CYP7B1: variants seen among roughly 807,000 people sequenced by gnomAD.
CYP7B1 encodes cytochrome P450 family 7 subfamily B member 1, also known as cytochrome P450 7B1.
CYP7B1 carries 29 observed loss-of-function variants against 42.7 expected under a neutral mutation model. The ratio of observed to expected loss-of-function variants is 0.68; its 90% CI spans 0.51 to 0.93. CYP7B1 has a LOEUF of 0.93. CYP7B1 is among the 40% of genes least tolerant of loss of function. The probability of loss-of-function intolerance (pLI) is 0.00; values close to 1 mark genes in which losing one functional copy is unlikely to be tolerated. For synonymous variants in CYP7B1, 235 were observed against 218.2 expected, an observed-to-expected ratio of 1.08 and a Z score of -0.68; for missense variants, 655 against 600.5, an observed-to-expected ratio of 1.09 and a Z score of -0.95.
intron 1 of CYP7B1, among the ~76,000 whole-genome samples, chr8:64,755,450 G>C (rs546512226): frequency 6.6e-6 from 1 of 151,840 alleles, no homozygotes; most frequent in Non-Finnish European, 1.5e-5. Context: ...ATGGAATCTT[G>C]CCCTGATCCC....
At chr8:64,687,145 A>C (rs934534761) in intron 1 of CYP7B1, among the ~76,000 whole-genome samples, 1 of 152,144 alleles carries the variant, frequency 6.6e-6, no homozygotes, top group African/African-American at 2.4e-5. Context: ...AATTTAAAAA[A>C]AAAACATTAG....
chr8:64,662,503 CAG>C (rs926805485), intron 1 of CYP7B1, among the ~76,000 whole-genome samples: 4 of 152,072 alleles, frequency 2.6e-5, no homozygotes, highest in Non-Finnish European at 4.4e-5. Flanking sequence ...AATTAAAGCT[CAG>C]AGAGTTTAAG....
chr8:64,653,873 A>G (rs1806078852), intron 1 of CYP7B1, among the ~76,000 whole-genome samples: 2 of 152,228 alleles, frequency 1.3e-5, no homozygotes, highest in African/African-American at 4.8e-5. Flanking sequence ...GTGATTTATC[A>G]CATAAACAGA....
At chr8:64,671,971 C>A (rs1806373579) in intron 1 of CYP7B1, among the ~76,000 whole-genome samples, 1 of 152,076 alleles carries the variant, frequency 6.6e-6, no homozygotes, top group Non-Finnish European at 1.5e-5. Context: ...GAGTGGTGAG[C>A]TACATTTAGA....
intron 1 of CYP7B1, among the ~76,000 whole-genome samples, chr8:64,791,419 C>G (rs1804615403): frequency 6.6e-6 from 1 of 152,102 alleles, no homozygotes; most frequent in Non-Finnish European, 1.5e-5. Context: ...GAACATTGTC[C>G]TGGATTATCA....
intron 4 of CYP7B1, among the ~76,000 whole-genome samples, chr8:64,608,394 A>G (rs944301599): frequency 2.0e-5 from 3 of 152,218 alleles, no homozygotes; most frequent in Non-Finnish European, 1.5e-5. Flanking sequence ...CCTCACACTT[A>G]GGCCCTGTCT....
chr8:64,725,709 G>A (rs1807313020), intron 1 of CYP7B1, among the ~76,000 whole-genome samples: 2 of 152,172 alleles, frequency 1.3e-5, no homozygotes, highest in African/African-American at 4.8e-5. Context: ...AGCAGGGAGG[G>A]AAGACTGACA....
At chr8:64,659,256 T>C (rs1296491440) in intron 1 of CYP7B1, among the ~76,000 whole-genome samples, 1 of 152,206 alleles carries the variant, frequency 6.6e-6, no homozygotes, top group Non-Finnish European at 1.5e-5. Flanking sequence ...ATTTACTATA[T>C]ATATTCACAT....
chr8:64,759,087 G>C (rs1807849515), intron 1 of CYP7B1, among the ~76,000 whole-genome samples: 1 of 152,214 alleles, frequency 6.6e-6, no homozygotes, highest in African/African-American at 2.4e-5. Context: ...TAACTCTTAA[G>C]ATGGGCTTCC....
At chr8:64,723,878 G>A (rs549939780) in intron 1 of CYP7B1, among the ~76,000 whole-genome samples, 4 of 152,186 alleles carry the variant, frequency 2.6e-5, no homozygotes, top group African/African-American at 9.6e-5. Flanking sequence ...CGTTAAAAGA[G>A]TCTGTTAAAG....
chr8:64,641,726 A>G (rs549322222), intron 1 of CYP7B1, among the ~76,000 whole-genome samples: 1 of 152,274 alleles, frequency 6.6e-6, no homozygotes, highest in Non-Finnish European at 1.5e-5. Flanking sequence ...ATGGGTACCA[A>G]GCTTAGTCAC....
intron 1 of CYP7B1, among the ~76,000 whole-genome samples, chr8:64,653,293 A>C (rs1029620393): frequency 6.6e-6 from 1 of 152,142 alleles, no homozygotes; most frequent in Non-Finnish European, 1.5e-5. Flanking sequence ...TTCAAATAAA[A>C]ACAATGAGAA....
chr8:64,774,756 T>C (rs1433638480), intron 1 of CYP7B1, among the ~76,000 whole-genome samples: 1 of 152,184 alleles, frequency 6.6e-6, no homozygotes, highest in Non-Finnish European at 1.5e-5. Context: ...AAGTATTTAC[T>C]GAATAGTGCA....
intron 1 of CYP7B1, among the ~76,000 whole-genome samples, chr8:64,692,903 G>C (rs1347959308): frequency 6.6e-6 from 1 of 152,198 alleles, no homozygotes; most frequent in Non-Finnish European, 1.5e-5. Context: ...CAGTTTACTA[G>C]GGTGAAAAAT....
chr8:64,739,108 A>G (rs1807532582), intron 1 of CYP7B1, among the ~76,000 whole-genome samples: 1 of 152,232 alleles, frequency 6.6e-6, no homozygotes, highest in South Asian at 2.1e-4. Context: ...AGATTTTACC[A>G]GAGCCTTACC....
downstream of CYP7B1, among the ~76,000 whole-genome samples, chr8:64,590,841 A>T (rs1805023760): frequency 6.6e-6 from 1 of 152,144 alleles, no homozygotes; most frequent in Admixed American, 6.5e-5. Context: ...AAGAGACATA[A>T]TCAGTCATCT....
In CYP7B1 at chr8:64,612,215, A is replaced by G. The variant is rs925474208; in HGVS notation, c.1057+2811T>C. Among the ~76,000 whole-genome samples, 7 of 152,196 alleles carry G rather than the reference A, an allele frequency of 4.6e-5. 1 individual carries two copies. The South Asian group carries it at 1.5e-3, about 32-fold the overall frequency. ...CCAGATTTTTTTCTGAGATAACTGAAAAATTCTTACTTTTCTCTCAGAGTT... is the reference window on the plus strand; with the variant it reads ...CCAGATTTTTTTCTGAGATAACTGAGAAATTCTTACTTTTCTCTCAGAGTT... On this transcript the variant is annotated intron_variant, in intron 4 of 5. Coordinates refer to ENST00000310193, the MANE Select transcript of CYP7B1 (RefSeq NM_004820.5).
chr8:64,702,639 C>G (rs553789890), intron 1 of CYP7B1, among the ~76,000 whole-genome samples: 1 of 152,194 alleles, frequency 6.6e-6, no homozygotes, highest in South Asian at 2.1e-4. Context: ...GACACACAAA[C>G]AAGTGACCTT....
Position 64,596,844 on chromosome 8 carries a change from A to G in CYP7B1, c.1319T>C (p.Met440Thr). 6.2e-7 allele frequency: 1 copy of G among 1,614,106 alleles called. No individual in the cohort carries two copies. Among genetic ancestry groups the G allele is most frequent in the Non-Finnish European group, 8.5e-7 (1 of 1,179,966 alleles). The change falls in exon 6 of 6, where the codon ATG (methionine) becomes ACG (threonine). Residue 440 changes from methionine to threonine, a missense_variant. Coordinates refer to ENST00000310193, the MANE Select transcript of CYP7B1 (RefSeq NM_004820.5). The part of the protein sequence containing the change: ...KRGKKLKCYL[M>T]PFGTGTSKCP... ...TTTGCTGGTTCCAGTTCCAAACGGC[A>G]TTAGGTAACACTTCAGCTTTTTCCC...
Sources: allele counts gnomAD v4.1 joint callset (sites outside exome capture counted in the v4.1 genomes callset), GRCh38; gene constraint gnomAD v4.1.1; transcripts MANE v1.5; gene names NCBI Gene and HGNC (gene_info 2026-07-23, HGNC 2026-07-21).